NXPH2: variants seen among roughly 807,000 people sequenced by gnomAD.
NXPH2 encodes neurexophilin-2.
Under a neutral mutation model 19.8 loss-of-function variants are expected in NXPH2, and 5 were observed. That is an observed-to-expected ratio of 0.25 (90% CI 0.13 to 0.53). The LOEUF (loss-of-function observed/expected upper bound fraction) is 0.53, where lower values mean the gene tolerates loss of function less well. Among genes scored for constraint, NXPH2 ranks in the 20% least tolerant of loss-of-function variants. The probability of loss-of-function intolerance (pLI) is 0.96; values close to 1 mark genes in which losing one functional copy is unlikely to be tolerated. For synonymous variants in NXPH2, 154 were observed against 127.4 expected, an observed-to-expected ratio of 1.21 and a Z score of -1.41; for missense variants, 289 against 322.8, an observed-to-expected ratio of 0.90 and a Z score of 0.80.
At chr2:138,744,647 T>C (rs1681697528) in intron 1 of NXPH2, among the ~76,000 whole-genome samples, 1 of 152,174 alleles carries the variant, frequency 6.6e-6, no homozygotes, top group African/African-American at 2.4e-5. Context: ...CAAGCCTTCT[T>C]CCTTTTCTTG....
intron 1 of NXPH2, among the ~76,000 whole-genome samples, chr2:138,703,678 TAATGTGACTA>T (rs1255769264): frequency 6.6e-6 from 1 of 152,232 alleles, no homozygotes; most frequent in Non-Finnish European, 1.5e-5. Context: ...GTTTGGGACA[TAATGTGACTA>T]AATGTGAACT....
chr2:138,754,729 T>G lies in NXPH2; in HGVS notation c.51+25462A>C, dbSNP rs139936861. On this transcript the variant is annotated intron_variant, in intron 1 of 1. Transcript: ENST00000272641. ...CTGGGAGTTCAATTCCTGGGTCATA[T>G]AATAAAAATACATTTAGCTTTATAA... Among the ~76,000 whole-genome samples, 179 of 152,302 alleles carry G rather than the reference T, an allele frequency of 1.2e-3. 1 individual carries two copies. Among genetic ancestry groups the G allele is most frequent in the Non-Finnish European group, 1.7e-3 (113 of 68,012 alleles).
intron 1 of NXPH2, among the ~76,000 whole-genome samples, chr2:138,776,456 A>T (rs1387897039): frequency 6.6e-6 from 1 of 152,074 alleles, no homozygotes; most frequent in African/African-American, 2.4e-5. Context: ...GAATAAACCA[A>T]GGGAATACAA....
intron 1 of NXPH2, among the ~76,000 whole-genome samples, chr2:138,746,979 C>T (rs1681747183): frequency 6.6e-6 from 1 of 152,080 alleles, no homozygotes; most frequent in African/African-American, 2.4e-5. Flanking sequence ...TTGCAAGAAG[C>T]TTCTTTTAAA....
intron 1 of NXPH2, among the ~76,000 whole-genome samples, chr2:138,702,502 C>T (rs931554180): frequency 2.6e-5 from 4 of 152,142 alleles, no homozygotes; most frequent in African/African-American, 9.7e-5. Context: ...CTCTTCTCAC[C>T]TCATGGCTTC....
At chr2:138,753,075 C>G (rs907306248) in intron 1 of NXPH2, among the ~76,000 whole-genome samples, 3 of 152,102 alleles carry the variant, frequency 2.0e-5, no homozygotes, top group African/African-American at 7.2e-5. Flanking sequence ...GCACAGCCCA[C>G]GCTTAAGTTA....
intron 1 of NXPH2, among the ~76,000 whole-genome samples, chr2:138,695,142 A>C (rs569998254): frequency 9.2e-5 from 14 of 152,192 alleles, no homozygotes; most frequent in Non-Finnish European, 1.9e-4. Context: ...GTGCATGACT[A>C]TATCATTGCC....
intron 1 of NXPH2, among the ~76,000 whole-genome samples, chr2:138,675,407 C>T (rs576745340): frequency 6.5e-4 from 99 of 152,208 alleles, no homozygotes; most frequent in African/African-American, 2.1e-3. Flanking sequence ...GTAGTCTTAG[C>T]TGATCTTGGT....
chr2:138,710,595 A>G (rs1164530703), intron 1 of NXPH2, among the ~76,000 whole-genome samples: 1 of 152,182 alleles, frequency 6.6e-6, no homozygotes, highest in Non-Finnish European at 1.5e-5. Context: ...AATGAAGGTT[A>G]TCTTGAAGTT....
chr2:138,708,177 C>T (rs1681045896), intron 1 of NXPH2, among the ~76,000 whole-genome samples: 2 of 152,142 alleles, frequency 1.3e-5, no homozygotes, highest in Non-Finnish European at 1.5e-5. Flanking sequence ...GTTTTTCTGG[C>T]ATGGGACAAC....
chr2:138,706,033 T>A (rs1681004513), intron 1 of NXPH2, among the ~76,000 whole-genome samples: 2 of 152,236 alleles, frequency 1.3e-5, no homozygotes, highest in Admixed American at 1.3e-4. Context: ...GGATGCAAAG[T>A]TGAAAACCAG....
intron 1 of NXPH2, among the ~76,000 whole-genome samples, chr2:138,720,605 C>T (rs542814287): frequency 1.3e-5 from 2 of 152,310 alleles, no homozygotes; most frequent in South Asian, 4.1e-4. Context: ...AGAGAAAAGG[C>T]TCTGACAGTG....
rs556843822 is a variant in NXPH2 at position 138,674,809 on chromosome 2, T to C, written c.52-3144A>G. 6.6e-5 allele frequency among the ~76,000 whole-genome samples: 10 copies of C among 152,360 alleles called. No homozygotes were observed. In the East Asian group the frequency reaches 1.5e-3, roughly 23 times the overall value. ...AGGTCCAATTTCTCTTCTGTGATCATGATTCTTGCTGCCCATAGTCTACTA... is the reference window on the plus strand; with the variant it reads ...AGGTCCAATTTCTCTTCTGTGATCACGATTCTTGCTGCCCATAGTCTACTA... On this transcript the variant is annotated intron_variant, in intron 1 of 1. Transcript: ENST00000272641.
intron 1 of NXPH2, among the ~76,000 whole-genome samples, chr2:138,737,112 T>C (rs1486815961): frequency 6.6e-6 from 1 of 152,240 alleles, no homozygotes; most frequent in Non-Finnish European, 1.5e-5. Flanking sequence ...AACCTCTGCC[T>C]GTTACCCAGT....
chr2:138,706,341 T>A (rs184149433), intron 1 of NXPH2, among the ~76,000 whole-genome samples: 1 of 152,314 alleles, frequency 6.6e-6, no homozygotes, highest in East Asian at 1.9e-4. Context: ...TTAAATGACA[T>A]GCTCTAGAAA....
At position 138,780,177 on chromosome 2, in the gene NXPH2, G is replaced by C. The variant is rs1682329557; in HGVS notation, c.51+14C>G. The C allele has an allele frequency of 1.3e-6, 2 of 1,489,736 alleles. No individual in the cohort carries two copies. The highest frequency in any genetic ancestry group is 2.5e-5 in the South Asian group (2 of 79,234). 92.3% of individuals were successfully genotyped at this position (1,489,736 alleles called of 1,614,324 possible). A position where few individuals can be genotyped will look rare whatever the true frequency, so the allele number is the denominator to read the frequency against. On this transcript the variant is annotated intron_variant, in intron 1 of 1. Coordinates refer to ENST00000272641, the MANE Select transcript of NXPH2 (RefSeq NM_007226.3). Reference sequence around the variant, plus strand: ...TCCCCGGCGTGTGGGACGGCGCGCGGGCCGGGCACTCACCAGCTGCAGCAA... The same window carrying C: ...TCCCCGGCGTGTGGGACGGCGCGCGCGCCGGGCACTCACCAGCTGCAGCAA...
At chr2:138,720,442 G>A (rs901248327) in intron 1 of NXPH2, among the ~76,000 whole-genome samples, 3 of 152,338 alleles carry the variant, frequency 2.0e-5, no homozygotes, top group East Asian at 3.9e-4. Context: ...TGCTCTGAAG[G>A]GGTGGTGAGA....
intron 1 of NXPH2, among the ~76,000 whole-genome samples, chr2:138,767,414 G>A (rs1447651886): frequency 1.3e-5 from 2 of 152,360 alleles, no homozygotes; most frequent in Admixed American, 1.3e-4. Context: ...AATGGAGAGA[G>A]CAGTAGCTCC....
At position 138,671,641 on chromosome 2, in the gene NXPH2, C is replaced by G. The variant is rs761501616; in HGVS notation, c.76G>C (p.Val26Leu). 6.3e-7 allele frequency: 1 copy of G among 1,580,228 alleles called. No individual in the cohort carries two copies. Among genetic ancestry groups the G allele is most frequent in the African/African-American group, 1.4e-5 (1 of 73,560 alleles). Residue 26 changes from valine (V) to leucine (L), a missense_variant, in exon 2 of 2, where the codon GTG becomes CTG. By Grantham distance (32) the Val-to-Leu change is conservative. Coordinates refer to ENST00000272641, the MANE Select transcript of NXPH2 (RefSeq NM_007226.3). ...QLLFCDSKEV[V>L]HATEGLDWED... is the part of the protein sequence containing the mutation. ...CAATCCAGCCCCTCCGTGGCATGCACCACTTCCTTACTGTCACAAAATAGC... is the reference window on the plus strand; with the variant it reads ...CAATCCAGCCCCTCCGTGGCATGCAGCACTTCCTTACTGTCACAAAATAGC...
Sources: allele counts gnomAD v4.1 joint callset (sites outside exome capture counted in the v4.1 genomes callset), GRCh38; gene constraint gnomAD v4.1.1; transcripts MANE v1.5; gene names NCBI Gene and HGNC (gene_info 2026-07-23, HGNC 2026-07-21).